The following IQCB1 variants were observed in gnomAD, a reference collection of about 807,000 sequenced individuals.
The protein encoded by IQCB1 is IQ calmodulin-binding motif-containing protein 1.
Under a neutral mutation model 84.4 loss-of-function variants are expected in IQCB1, and 56 were observed. The ratio of observed to expected loss-of-function variants is 0.66; its 90% CI spans 0.54 to 0.83. The LOEUF (loss-of-function observed/expected upper bound fraction) is 0.83. IQCB1 is among the 40% of genes least tolerant of loss of function. The pLI is 0.00. For missense variants in IQCB1, 629 were observed against 682.1 expected, an observed-to-expected ratio of 0.92 and a Z score of 0.87; for synonymous variants, 210 against 234.8, an observed-to-expected ratio of 0.89 and a Z score of 0.96.
chr3:121,785,716 C>T (rs964850264), intron 12 of IQCB1, among the ~76,000 whole-genome samples: 4 of 152,162 alleles, frequency 2.6e-5, no homozygotes, highest in Non-Finnish European at 5.9e-5. Flanking sequence ...AGATACTTTA[C>T]ACTTCTTTTT....
At chr3:121,786,179 A>AGAAAGAAAAGAAACGAAAAGAAAC (rs1948718543) in intron 12 of IQCB1, among the ~76,000 whole-genome samples, 5 of 127,446 alleles carry the variant, frequency 3.9e-5, no homozygotes, top group Admixed American at 3.3e-4. Context: ...TCAAAAGAAA[A>AGAAAGAAAAGAAACGAAAAGAAAC]GAAAAGAAAA....
intron 1 of IQCB1, 113 bp downstream of exon 1, chr3:121,834,853 C>A: frequency 7.7e-6 from 2 of 258,858 alleles, no homozygotes; most frequent in African/African-American, 2.2e-5. Flanking sequence ...GCCGATTCTC[C>A]CGTTAAGAGC....
chr3:121,825,260 A>T (rs1950424912), intron 5 of IQCB1, among the ~76,000 whole-genome samples: 1 of 152,010 alleles, frequency 6.6e-6, no homozygotes, highest in African/African-American at 2.4e-5. Flanking sequence ...GGGTTTCTCC[A>T]TGTTGGTCAG....
intron 10 of IQCB1, 89 bp from the exon 11 acceptor site, chr3:121,790,304 G>GA: frequency 8.1e-7 from 1 of 1,232,714 alleles, no homozygotes. Flanking sequence ...AATGTAAACA[G>GA]AAAAAATTTT....
In IQCB1 at chr3:121,770,517, G is replaced by C; in HGVS notation, c.1625C>G (p.Ser542Cys). Residue 542 changes from serine (S) to cysteine (C), a missense_variant, in exon 15 of 15, where the codon TCC becomes TGC. Physicochemically the swap from Ser to Cys is moderately radical, Grantham distance 112 (BLOSUM62 -1). Transcript: ENST00000310864. Reference sequence around the variant, plus strand: ...CTTGGCCTTGGCTGCCACAGGCCTGGATCTACTTAGGAAGAGCTCAGGTTC... The same window carrying C: ...CTTGGCCTTGGCTGCCACAGGCCTGCATCTACTTAGGAAGAGCTCAGGTTC... ...GKEPELFLSR[S>C]RPVAAKAKQA... is the part of the protein sequence containing the mutation. 5 of 1,614,196 alleles carry C rather than the reference G, an allele frequency of 3.1e-6. No homozygotes were observed. Among genetic ancestry groups the C allele is most frequent in the Non-Finnish European group, 4.2e-6 (5 of 1,180,030 alleles).
At chr3:121,777,140 T>C (rs1382050604) in intron 13 of IQCB1, among the ~76,000 whole-genome samples, 1 of 152,264 alleles carries the variant, frequency 6.6e-6, no homozygotes, top group Non-Finnish European at 1.5e-5. Flanking sequence ...TACTTTGAGT[T>C]ACATTTTGCA....
intron 13 of IQCB1, among the ~76,000 whole-genome samples, chr3:121,778,447 C>T (rs1948324353): frequency 6.6e-6 from 1 of 151,934 alleles, no homozygotes; most frequent in East Asian, 1.9e-4. Flanking sequence ...AATGTTAAAT[C>T]CTTTACAACT....
chr3:121,833,200 C>T (rs190136373), intron 2 of IQCB1, among the ~76,000 whole-genome samples: 1 of 152,278 alleles, frequency 6.6e-6, no homozygotes, highest in Admixed American at 6.5e-5. Flanking sequence ...ATTATTAAAG[C>T]CCAGTTCTAC....
intron 7 of IQCB1, among the ~76,000 whole-genome samples, chr3:121,804,675 C>T (rs1237129881): frequency 6.6e-6 from 1 of 152,058 alleles, no homozygotes; most frequent in East Asian, 1.9e-4. Context: ...ATTTTGATTA[C>T]GATGTGCCTC....
At chr3:121,794,028 A>G (rs1206482859) in intron 10 of IQCB1, among the ~76,000 whole-genome samples, 2 of 152,154 alleles carry the variant, frequency 1.3e-5, no homozygotes, top group African/African-American at 4.8e-5. Flanking sequence ...ATCTGAATTC[A>G]CCACAGAGGC....
chr3:121,794,885 A>T (rs1553713298), intron 10 of IQCB1, among the ~76,000 whole-genome samples: 1 of 152,126 alleles, frequency 6.6e-6, no homozygotes, highest in Non-Finnish European at 1.5e-5. Flanking sequence ...TCTGAAACAG[A>T]TCTTCTTTAC....
intron 10 of IQCB1, 137 bp downstream of exon 10, chr3:121,795,320 C>A: frequency 1.4e-6 from 1 of 690,730 alleles, no homozygotes. Context: ...AGTGTTGGTA[C>A]CCAGAAACGT....
chr3:121,830,257 C>A (rs1249475808), intron 2 of IQCB1, among the ~76,000 whole-genome samples: 2 of 151,050 alleles, frequency 1.3e-5, no homozygotes, highest in African/African-American at 2.4e-5. Flanking sequence ...TGAATAAAAT[C>A]AATTCTCCTA....
At chr3:121,786,614 C>A (rs1251801046) in intron 12 of IQCB1, among the ~76,000 whole-genome samples, 1 of 152,134 alleles carries the variant, frequency 6.6e-6, no homozygotes, top group Non-Finnish European at 1.5e-5. Context: ...CTTGACCCAT[C>A]CCTTTTTGCT....
Position 121,811,782 on chromosome 3 carries a change from T to C in IQCB1, c.394-2773A>G, listed in dbSNP as rs541429314. Among the ~76,000 whole-genome samples the C allele has an allele frequency of 2.6e-5, 4 of 152,290 alleles. No individual in the cohort carries two copies. The South Asian group carries it at 8.3e-4, about 32-fold the overall frequency. ...GGCAGCAGCCCCAGTAAGAGGCTTA[T>C]ACATAAAACTCCCATCTCCCTGGGA... On this transcript the variant is annotated intron_variant, in intron 5 of 14. Coordinates refer to ENST00000310864, the MANE Select transcript of IQCB1 (RefSeq NM_001023570.4).
At chr3:121,811,811 CGCACCTGGGGACAGG>C (rs1204366524) in intron 5 of IQCB1, among the ~76,000 whole-genome samples, 1 of 152,212 alleles carries the variant, frequency 6.6e-6, no homozygotes, top group Non-Finnish European at 1.5e-5. Context: ...CCTGGGACAG[CGCACCTGGGGACAGG>C]GGAGACTGTG....
intron 14 of IQCB1, 29 bp from the exon 15 acceptor site, chr3:121,770,603 G>A (rs1254674630): frequency 1.9e-6 from 3 of 1,550,526 alleles, no homozygotes; most frequent in Non-Finnish European, 2.7e-6. Flanking sequence ...AAACAGATGA[G>A]CAGAAGAGTC....
chr3:121,790,242 T>G, intron 10 of IQCB1, 27 bp from the exon 11 acceptor site: 1 of 1,606,994 alleles, frequency 6.2e-7, no homozygotes, highest in Non-Finnish European at 8.5e-7. Context: ...GTGTTATACA[T>G]AATTTTCATA....
chr3:121,779,089 AT>A (rs758824831), intron 13 of IQCB1, among the ~76,000 whole-genome samples: 1 of 151,272 alleles, frequency 6.6e-6, no homozygotes, highest in Admixed American at 6.6e-5. Flanking sequence ...ATATATAAAA[AT>A]TTTTTTTTGT....
Sources: gnomAD v4.1 joint callset for allele counts (sites outside exome capture counted in the v4.1 genomes callset) on GRCh38, gnomAD v4.1.1 for gene constraint, MANE v1.5 for transcripts, NCBI Gene and HGNC (gene_info 2026-07-23, HGNC 2026-07-21) for gene names.